The following ARHGAP32 variants were observed in gnomAD, a reference collection of about 807,000 sequenced individuals.
The protein encoded by ARHGAP32 is Rho GTPase activating protein 32, also known as rho GTPase-activating protein 32.
A neutral mutation model predicts 186.5 loss-of-function variants in ARHGAP32; 51 were observed. The observed-to-expected ratio is 0.27, with a 90% confidence interval of 0.22 to 0.35. The LOEUF is 0.35. Ranked by LOEUF, ARHGAP32 falls within the 10% of genes least tolerant of loss-of-function variation. ARHGAP32 has a pLI of 1.00. For missense variants in ARHGAP32, 2,186 were observed against 2,623.5 expected, an observed-to-expected ratio of 0.83 and a Z score of 3.64; for synonymous variants, 950 against 964.3, an observed-to-expected ratio of 0.99 and a Z score of 0.27.
intron 1 of ARHGAP32, among the ~76,000 whole-genome samples, chr11:129,173,182 C>T (rs1408049505): frequency 1.3e-5 from 2 of 151,960 alleles, no homozygotes; most frequent in African/African-American, 4.8e-5. Flanking sequence ...CTATAAACAT[C>T]TCTACACAAA....
In ARHGAP32 at chr11:129,123,829, T is replaced by C. The variant is rs747874314; in HGVS notation, c.359+59A>G. 5.4e-5 allele frequency: 69 copies of C among 1,268,098 alleles called. 1 individual carries two copies. In the South Asian group the frequency reaches 5.6e-4, roughly 10 times the overall value. The allele number at this position is 1,268,098 out of a possible 1,614,324, so 78.6% of individuals were successfully genotyped here. A position where few individuals can be genotyped will look rare whatever the true frequency, so the allele number is the denominator to read the frequency against. On this transcript the variant is annotated intron_variant, in intron 4 of 22. Transcript: ENST00000682385. The surrounding 1 kb of genome is among the most constrained non-coding windows in gnomAD (Gnocchi z 4.6). ...TTTTCGGCAAATGTTATGGAAACTGTGGACAGCCAGCTTCTAACCAGAAGC... is the reference window on the plus strand; with the variant it reads ...TTTTCGGCAAATGTTATGGAAACTGCGGACAGCCAGCTTCTAACCAGAAGC...
chr11:129,264,018 A>G (rs1315650892), intron 1 of ARHGAP32, among the ~76,000 whole-genome samples: 2 of 152,240 alleles, frequency 1.3e-5, no homozygotes, highest in African/African-American at 4.8e-5. Context: ...TGGATAAGCA[A>G]TATGTGGTAT....
intron 5 of ARHGAP32, among the ~76,000 whole-genome samples, chr11:129,106,637 AG>A (rs1942055792): frequency 6.6e-6 from 1 of 152,180 alleles, no homozygotes; most frequent in Non-Finnish European, 1.5e-5. Flanking sequence ...CAATATACCC[AG>A]GTAATAAATA....
intron 11 of ARHGAP32, among the ~76,000 whole-genome samples, chr11:129,009,164 T>C (rs1937943297): frequency 6.6e-6 from 1 of 152,218 alleles, no homozygotes; most frequent in Non-Finnish European, 1.5e-5. Flanking sequence ...AAATCTGTTA[T>C]TATCTCTCAA....
intron 11 of ARHGAP32, among the ~76,000 whole-genome samples, chr11:129,023,556 G>T (rs954322819): frequency 6.6e-6 from 1 of 152,102 alleles, no homozygotes; most frequent in South Asian, 2.1e-4. Flanking sequence ...TTAAACTAAT[G>T]TATAGAAAAC....
chr11:129,073,924 G>C (rs1041497689), intron 6 of ARHGAP32, among the ~76,000 whole-genome samples: 1 of 152,076 alleles, frequency 6.6e-6, no homozygotes, highest in Non-Finnish European at 1.5e-5. Flanking sequence ...CAAGAAGAGA[G>C]TAGAGTAAAT....
rs751327194 is a variant in ARHGAP32, at chr11:129,019,246, TAACCCAGATAGTC to T, written c.1046-20791_1046-20779del. Among the ~76,000 whole-genome samples, 171 of 152,272 alleles carry T rather than the reference TAACCCAGATAGTC, an allele frequency of 1.1e-3. 1 individual carries two copies. Among genetic ancestry groups the T allele is most frequent in the Admixed American group, 3.0e-3 (46 of 15,288 alleles). The stretch of plus-strand genomic sequence containing the variant: ...GCAGTATGAAGGAAAAGGTAAATCC[TAACCCAGATAGTC>T]AACAAAAATTGAAGGAAAATCTAGA... On this transcript the variant is annotated intron_variant, in intron 11 of 22. Coordinates refer to ENST00000682385, the MANE Select transcript of ARHGAP32 (RefSeq NM_001378024.1).
chr11:129,030,958 C>T (rs1173430144), intron 11 of ARHGAP32, among the ~76,000 whole-genome samples: 2 of 152,228 alleles, frequency 1.3e-5, no homozygotes, highest in Non-Finnish European at 1.5e-5. Context: ...CATGAGGTGC[C>T]TGCTCCCACT....
At chr11:129,121,964 T>A (rs572356) in intron 5 of ARHGAP32, among the ~76,000 whole-genome samples, 19,382 of 151,986 alleles carry the variant, frequency 0.13, 1,374 homozygotes, top group Non-Finnish European at 0.15. Flanking sequence ...AAATATAAAA[T>A]AATAAAAGTT....
At chr11:129,248,172 G>T (rs560560494) in intron 1 of ARHGAP32, among the ~76,000 whole-genome samples, 4 of 149,344 alleles carry the variant, frequency 2.7e-5, no homozygotes, top group Non-Finnish European at 4.4e-5. Flanking sequence ...TTAGCAAGGC[G>T]TGGTGGCAGG....
intron 2 of ARHGAP32, among the ~76,000 whole-genome samples, chr11:129,129,424 GC>G (rs1209774999): frequency 1.4e-5 from 2 of 144,710 alleles, no homozygotes; most frequent in African/African-American, 5.2e-5. Flanking sequence ...GTAGGGGGCA[GC>G]CCCCGCCCAG....
intron 1 of ARHGAP32, among the ~76,000 whole-genome samples, chr11:129,190,984 T>C (rs1480485384): frequency 6.6e-6 from 1 of 152,266 alleles, no homozygotes; most frequent in Admixed American, 6.5e-5. Context: ...ATTTTAAATA[T>C]ACTTCTCATT....
At chr11:129,151,987 C>T (rs959195424) in intron 2 of ARHGAP32, among the ~76,000 whole-genome samples, 11 of 151,872 alleles carry the variant, frequency 7.2e-5, no homozygotes, top group Non-Finnish European at 1.2e-4. Flanking sequence ...CAAGATTAAC[C>T]GAGAAAAGAG....
At chr11:129,054,762 TGA>T (rs1164564277) in intron 10 of ARHGAP32, among the ~76,000 whole-genome samples, 3 of 152,206 alleles carry the variant, frequency 2.0e-5, no homozygotes, top group African/African-American at 4.8e-5. Flanking sequence ...ACAACAAAGA[TGA>T]GAGATTCAAT....
intron 5 of ARHGAP32, among the ~76,000 whole-genome samples, chr11:129,115,677 G>T (rs778154174): frequency 3.3e-5 from 5 of 152,206 alleles, no homozygotes; most frequent in Admixed American, 6.5e-5. Context: ...CATGGTCAGG[G>T]CTTTCTAAGC....
At chr11:129,127,694 C>T (rs945894413) in intron 2 of ARHGAP32, among the ~76,000 whole-genome samples, 1 of 151,936 alleles carries the variant, frequency 6.6e-6, no homozygotes, top group African/African-American at 2.4e-5. Context: ...GTTACTTATT[C>T]TGTTGCTCCA....
intron 13 of ARHGAP32, among the ~76,000 whole-genome samples, chr11:128,987,237 G>A (rs1565358844): frequency 6.6e-6 from 1 of 152,178 alleles, no homozygotes; most frequent in Non-Finnish European, 1.5e-5. Context: ...GGCAGAGTAA[G>A]CTCACTCTCC....
Position 128,966,167 on chromosome 11 carries a change from A to G in ARHGAP32, c.*2740T>C, listed in dbSNP as rs1445887250. 1 of 152,266 alleles carries G rather than the reference A, an allele frequency of 6.6e-6. No individual in the cohort carries two copies. The highest frequency in any genetic ancestry group is 2.4e-5 in the African/African-American group (1 of 41,472). 9.4% of individuals were successfully genotyped at this position (152,266 alleles called of 1,614,324 possible). A position where few individuals can be genotyped will look rare whatever the true frequency, so the allele number is the denominator to read the frequency against. On this transcript the variant is annotated 3_prime_UTR_variant, in exon 23 of 23. Transcript: ENST00000682385. Reference sequence around the variant, plus strand: ...CTGTGGAATCAGAATTTTGCCAAAAAGATAAAATCTGGAGGCATGGCTATG... The same window carrying G: ...CTGTGGAATCAGAATTTTGCCAAAAGGATAAAATCTGGAGGCATGGCTATG...
intron 2 of ARHGAP32, among the ~76,000 whole-genome samples, chr11:129,131,580 A>C (rs2135404472): frequency 6.6e-6 from 1 of 152,214 alleles, no homozygotes; most frequent in South Asian, 2.1e-4. Flanking sequence ...AACCACTTTT[A>C]AGCAACCAGA....
Sources: allele counts gnomAD v4.1 joint callset (sites outside exome capture counted in the v4.1 genomes callset), GRCh38; gene constraint gnomAD v4.1.1; non-coding constraint Gnocchi (gnomAD v3.1); transcripts MANE v1.5; gene names NCBI Gene and HGNC (gene_info 2026-07-23, HGNC 2026-07-21).